The following SCUBE1 variants were observed in gnomAD, a reference collection of about 807,000 sequenced individuals.
The protein encoded by SCUBE1 is signal peptide, CUB domain and EGF like domain containing 1.
Under a neutral mutation model 124.4 loss-of-function variants are expected in SCUBE1, and 59 were observed. The ratio of observed to expected loss-of-function variants is 0.47; its 90% CI spans 0.38 to 0.59. The LOEUF (loss-of-function observed/expected upper bound fraction) is 0.59. SCUBE1 is among the 20% of genes least tolerant of loss of function. The pLI is 0.00. For missense variants in SCUBE1, 1,150 were observed against 1,371.2 expected (o/e 0.84, Z 2.55); for synonymous variants, 545 against 550.9 (o/e 0.99, Z 0.15).
Position 43,223,185 on chromosome 22 carries a change from G to A in SCUBE1, c.1239C>T (p.Thr413=), listed in dbSNP as rs1238692258. The A allele has an allele frequency of 1.3e-6, 2 of 1,572,770 alleles. No homozygotes were observed. Among genetic ancestry groups the A allele is most frequent in the East Asian group, 2.3e-5 (1 of 42,940 alleles). ...ETGKCLSRAK[T]SPRAQLSCSK... is the part of the protein sequence containing the mutation. The stretch of plus-strand genomic sequence containing the variant: ...TGCAGGACAGCTGGGCCCGGGGGGA[G>A]GTCTTGGCGCGAGAAAGACACTTGC... The change falls in exon 11 of 22, where the codon ACC becomes ACT. Residue 413 remains threonine, a synonymous_variant. Coordinates refer to ENST00000360835, the MANE Select transcript of SCUBE1 (RefSeq NM_173050.5).
chr22:43,305,143 CGGA>C (rs142897945), intron 3 of SCUBE1, among the ~76,000 whole-genome samples: 1,608 of 152,252 alleles, frequency 0.011, 36 homozygotes, highest in African/African-American at 0.037. Context: ...TGCCGGAATA[CGGA>C]GGAGAAGCGG....
In SCUBE1 at chr22:43,255,125, C is replaced by T. The variant is rs1034792544; in HGVS notation, c.727+3094G>A. Among the ~76,000 whole-genome samples the T allele has an allele frequency of 3.9e-5, 6 of 152,370 alleles. No individual in the cohort carries two copies. Among genetic ancestry groups the T allele is most frequent in the African/African-American group, 9.6e-5 (4 of 41,588 alleles). ...TCCTAACTGTGAATGTGGGTGTTCA[C>T]GCAAGTCGGGGAGCTTTACGACACA... On this transcript the variant is annotated intron_variant, in intron 6 of 21. Coordinates refer to ENST00000360835, the MANE Select transcript of SCUBE1 (RefSeq NM_173050.5). The surrounding 1 kb of genome is among the most constrained non-coding windows in gnomAD (Gnocchi z 4.7).
At chr22:43,204,396 T>C (rs1225092974) in intron 21 of SCUBE1, among the ~76,000 whole-genome samples, 1 of 152,018 alleles carries the variant, frequency 6.6e-6, no homozygotes. Context: ...CCTCCTGAGT[T>C]CAGGTGATTC....
rs1028284698 is a variant in SCUBE1 at position 43,258,021 on chromosome 22, C to T, written c.727+198G>A. On this transcript the variant is annotated intron_variant, in intron 6 of 21. Coordinates refer to ENST00000360835, the MANE Select transcript of SCUBE1 (RefSeq NM_173050.5). This position sits in a 1 kb window ranked among gnomAD's most constrained non-coding sequence, Gnocchi z 5.0. ...AGCCTGGTCTTGGGGGGCTGCAGGC[C>T]CCAGAGAAGCCTCCCCAGAAAGCCT... is the stretch of plus-strand genomic sequence containing the variant. Among the ~76,000 whole-genome samples, 1 of 152,168 alleles carries T rather than the reference C, an allele frequency of 6.6e-6. No individual in the cohort carries two copies. The highest frequency in any genetic ancestry group is 6.5e-5 in the Admixed American group (1 of 15,288).
intron 3 of SCUBE1, among the ~76,000 whole-genome samples, chr22:43,295,194 C>G (rs1014168167): frequency 1.3e-5 from 2 of 152,190 alleles, no homozygotes; most frequent in South Asian, 4.1e-4. Flanking sequence ...CCTGGCCCCT[C>G]CATGCCCACC....
At chr22:43,301,888 T>C (rs1275477401) in intron 3 of SCUBE1, among the ~76,000 whole-genome samples, 2 of 152,194 alleles carry the variant, frequency 1.3e-5, no homozygotes, top group Non-Finnish European at 2.9e-5. Flanking sequence ...AGGCCCTGGC[T>C]AAAGGCCGTC....
At chr22:43,327,291 G>T (rs955747795) in intron 2 of SCUBE1, among the ~76,000 whole-genome samples, 7 of 152,178 alleles carry the variant, frequency 4.6e-5, no homozygotes, top group Non-Finnish European at 1.0e-4. Context: ...AGGGAGCCAG[G>T]CAGCTTGACT....
At chr22:43,270,151 T>C (rs985949569) in intron 4 of SCUBE1, 1 of 152,238 alleles carries the variant, frequency 6.6e-6, no homozygotes, top group African/African-American at 2.4e-5. Flanking sequence ...CAAACTTTGT[T>C]TTATGCACAA....
chr22:43,198,153 T>G lies in SCUBE1; in HGVS notation c.*5844A>C. ...TACATGGGGCTGGGGGGATGGAATG[T>G]GTGGATATTAGAGGGTTGAGCCCAG... On this transcript the variant is annotated 3_prime_UTR_variant, in exon 22 of 22. Transcript: ENST00000360835. 4.5e-6 allele frequency: 1 copy of G among 221,998 alleles called. No homozygotes were observed. The highest frequency in any genetic ancestry group is 9.1e-6 in the Non-Finnish European group (1 of 109,768). 13.8% of individuals were successfully genotyped at this position (221,998 alleles called of 1,614,324 possible).
At chr22:43,220,329 C>A in intron 14 of SCUBE1, 121 bp downstream of exon 14, 1 of 1,185,092 alleles carries the variant, frequency 8.4e-7, no homozygotes, top group Non-Finnish European at 1.2e-6. Context: ...GGGCTCCCAT[C>A]CCAGCCACAG....
chr22:43,231,732 C>CG (rs1922560253), intron 8 of SCUBE1, 21 bp downstream of exon 8: 9 of 1,560,652 alleles, frequency 5.8e-6, no homozygotes, highest in Non-Finnish European at 7.8e-6. Context: ...GAGAGCCACC[C>CG]GGGGCATGGC....
chr22:43,245,582 C>T (rs1923177930), intron 6 of SCUBE1, among the ~76,000 whole-genome samples: 1 of 152,160 alleles, frequency 6.6e-6, no homozygotes, highest in African/African-American at 2.4e-5. Flanking sequence ...CAGCGCTGCT[C>T]GTGTCTAAGG....
At position 43,199,473 on chromosome 22, in the gene SCUBE1, C is replaced by T. The variant is rs1281481945; in HGVS notation, c.*4524G>A. 1 of 151,348 alleles carries T rather than the reference C, an allele frequency of 6.6e-6. No homozygotes were observed. Among genetic ancestry groups the T allele is most frequent in the Non-Finnish European group, 1.5e-5 (1 of 68,114 alleles). 9.4% of individuals were successfully genotyped at this position (151,348 alleles called of 1,614,324 possible). ...CTCTCCCAAGGCCTTCAAATTTGGC[C>T]TCTTGTGCCATCCTTGTCTGGGGAT... On this transcript the variant is annotated 3_prime_UTR_variant, in exon 22 of 22. Transcript: ENST00000360835.
At chr22:43,281,529 A>C (rs1924885665) in intron 4 of SCUBE1, among the ~76,000 whole-genome samples, 3 of 44,210 alleles carry the variant, frequency 6.8e-5, no homozygotes, top group African/African-American at 1.1e-4. Context: ...CCCTCCTGTC[A>C]CCTCCCTCAG....
intron 4 of SCUBE1, among the ~76,000 whole-genome samples, chr22:43,284,755 ATCGTCATCGTCG>A (rs1343905936): frequency 2.0e-5 from 3 of 149,190 alleles, no homozygotes; most frequent in Admixed American, 6.6e-5. Context: ...TGCAATCATC[ATCGTCATCGTCG>A]TCGTCGTCGT....
chr22:43,301,385 C>T (rs1042552718), intron 3 of SCUBE1, among the ~76,000 whole-genome samples: 15 of 152,176 alleles, frequency 9.9e-5, no homozygotes, highest in African/African-American at 2.9e-4. Flanking sequence ...GCTCTGCCCA[C>T]GTCCCCCCGG....
At chr22:43,256,091 G>A (rs923092712) in intron 6 of SCUBE1, among the ~76,000 whole-genome samples, 1 of 152,166 alleles carries the variant, frequency 6.6e-6, no homozygotes, top group Non-Finnish European at 1.5e-5. Context: ...ACGTGAAGGG[G>A]TGTCAACACT....
At chr22:43,300,076 C>T (rs921584749) in intron 3 of SCUBE1, among the ~76,000 whole-genome samples, 4 of 152,170 alleles carry the variant, frequency 2.6e-5, no homozygotes, top group Non-Finnish European at 1.5e-5. Context: ...ATGAACGGTG[C>T]TGCTGAACAC....
At chr22:43,299,797 C>T (rs574531196) in intron 3 of SCUBE1, among the ~76,000 whole-genome samples, 1 of 152,156 alleles carries the variant, frequency 6.6e-6, no homozygotes, top group Admixed American at 6.5e-5. Context: ...CAATTCCTAC[C>T]CCTTCGCCCC....
Sources: allele counts gnomAD v4.1 joint callset (sites outside exome capture counted in the v4.1 genomes callset), GRCh38; gene constraint gnomAD v4.1.1; non-coding constraint Gnocchi (gnomAD v3.1); transcripts MANE v1.5; gene names NCBI Gene and HGNC (gene_info 2026-07-23, HGNC 2026-07-21).